Variants in TMEM232 observed in about 807,000 individuals in gnomAD.
TMEM232 encodes the protein transmembrane protein 232.
In TMEM232, 80 loss-of-function variants were observed where a neutral mutation model predicts 78.8. The ratio of observed to expected loss-of-function variants is 1.01; its 90% CI spans 0.85 to 1.22. The LOEUF is 1.22. Ranked by LOEUF, TMEM232 falls within the 50% of genes most tolerant of loss-of-function variation. The pLI is 0.00. For synonymous variants in TMEM232, 297 were observed against 254.3 expected (o/e 1.17, Z -1.60); for missense variants, 881 against 742.2 (o/e 1.19, Z -2.17).
chr5:110,606,288 C>G lies in TMEM232; in HGVS notation c.903-1G>C, dbSNP rs1781532708. 2.0e-6 allele frequency: 3 copies of G among 1,514,218 alleles called. No individual in the cohort carries two copies. The African/African-American group carries it at 4.2e-5, about 21-fold the overall frequency. The allele number at this position is 1,514,218 out of a possible 1,614,324, so 93.8% of individuals were successfully genotyped here. A position where few individuals can be genotyped will look rare whatever the true frequency, so the allele number is the denominator to read the frequency against. ...CAGTAAAGCCAGTACTGAATCCAACCTGAAAATTTTATGGACGAAAGGATA... is the reference window on the plus strand; with the variant it reads ...CAGTAAAGCCAGTACTGAATCCAACGTGAAAATTTTATGGACGAAAGGATA... On this transcript the variant is annotated splice_acceptor_variant, in intron 8 of 13. Transcript: ENST00000455884. LOFTEE classifies it high-confidence loss of function.
intron 1 of TMEM232, among the ~76,000 whole-genome samples, chr5:110,692,216 G>A (rs935864006): frequency 5.9e-5 from 9 of 152,098 alleles, no homozygotes; most frequent in South Asian, 2.1e-4. Context: ...CACGACGCCC[G>A]GCCACATTCT....
At chr5:110,607,329 C>T (rs1306573713) in intron 8 of TMEM232, among the ~76,000 whole-genome samples, 1 of 151,956 alleles carries the variant, frequency 6.6e-6, no homozygotes, top group Non-Finnish European at 1.5e-5. Context: ...CTCAAGTTTT[C>T]TCCCACCAAG....
intron 2 of TMEM232, among the ~76,000 whole-genome samples, chr5:110,661,121 A>G (rs1016350552): frequency 6.6e-6 from 1 of 152,214 alleles, no homozygotes; most frequent in African/African-American, 2.4e-5. Flanking sequence ...TTTACTTAAC[A>G]TAATGTCTTC....
At chr5:110,394,774 T>G (rs751889964) in intron 3 of TMEM232, among the ~76,000 whole-genome samples, 2 of 152,190 alleles carry the variant, frequency 1.3e-5, no homozygotes, top group Non-Finnish European at 2.9e-5. Flanking sequence ...CTATTCATCA[T>G]GTGTGCTGGT....
intron 10 of TMEM232, among the ~76,000 whole-genome samples, chr5:110,598,734 T>A (rs905512547): frequency 6.6e-6 from 1 of 151,104 alleles, no homozygotes; most frequent in African/African-American, 2.4e-5. Flanking sequence ...AATTGGAAAT[T>A]ATCATTCTCA....
chr5:110,567,555 G>C (rs1296802557), intron 11 of TMEM232, among the ~76,000 whole-genome samples: 2 of 151,810 alleles, frequency 1.3e-5, no homozygotes, highest in Non-Finnish European at 2.9e-5. Context: ...CTAACTATAG[G>C]ATGCCCTTTA....
intron 12 of TMEM232, among the ~76,000 whole-genome samples, chr5:110,464,096 T>C (rs953800449): frequency 6.6e-6 from 1 of 152,190 alleles, no homozygotes; most frequent in African/African-American, 2.4e-5. Context: ...ATACCATTAC[T>C]TGAACTTCTT....
chr5:110,561,515 C>A (rs7732148), intron 11 of TMEM232, among the ~76,000 whole-genome samples: 1 of 151,860 alleles, frequency 6.6e-6, no homozygotes, highest in African/African-American at 2.4e-5. Flanking sequence ...TCATAAGTGT[C>A]TTTTTAAACA....
intron 10 of TMEM232, among the ~76,000 whole-genome samples, chr5:110,595,433 T>C (rs552797938): frequency 6.6e-6 from 1 of 152,240 alleles, no homozygotes; most frequent in East Asian, 1.9e-4. Flanking sequence ...GTTTGATGAG[T>C]TGACAGAAGT....
chr5:110,640,407 AT>A (rs139206838), intron 4 of TMEM232, among the ~76,000 whole-genome samples: 18 of 150,054 alleles, frequency 1.2e-4, no homozygotes, highest in African/African-American at 1.2e-4. Flanking sequence ...ACGTTGTTTA[AT>A]TTTTTTTTTA....
chr5:110,489,181 A>G (rs1396521648), intron 12 of TMEM232, among the ~76,000 whole-genome samples: 1 of 151,908 alleles, frequency 6.6e-6, no homozygotes, highest in African/African-American at 2.4e-5. Flanking sequence ...CTATGAGGCT[A>G]GTATTTTCCG....
intron 3 of TMEM232, among the ~76,000 whole-genome samples, chr5:110,392,987 A>T (rs1755258703): frequency 6.6e-6 from 1 of 152,208 alleles, no homozygotes; most frequent in Non-Finnish European, 1.5e-5. Context: ...GATTTTCTAG[A>T]TAGTTCTCTC....
intron 12 of TMEM232, among the ~76,000 whole-genome samples, chr5:110,456,212 C>T (rs1438403160): frequency 6.6e-6 from 1 of 152,102 alleles, no homozygotes; most frequent in African/African-American, 2.4e-5. Context: ...GTGAGTTTAG[C>T]AAGGTTTAGT....
At chr5:110,462,067 A>C (rs1175094977) in intron 12 of TMEM232, among the ~76,000 whole-genome samples, 1 of 152,208 alleles carries the variant, frequency 6.6e-6, no homozygotes, top group Non-Finnish European at 1.5e-5. Flanking sequence ...TTTAAGAAAT[A>C]CATTTTGTAA....
At chr5:110,430,136 ACT>A in intron 12 of TMEM232, 1 of 151,270 alleles carries the variant, frequency 6.6e-6, no homozygotes, top group East Asian at 1.9e-4. Context: ...GAAAAAAAAA[ACT>A]AATTAAATCA....
At chr5:110,560,399 T>C (rs1401836932) in intron 11 of TMEM232, among the ~76,000 whole-genome samples, 1 of 152,164 alleles carries the variant, frequency 6.6e-6, no homozygotes, top group Non-Finnish European at 1.5e-5. Context: ...TTATTCATAA[T>C]AGCTTGAAAT....
At chr5:110,571,889 G>C (rs1280244748) in intron 10 of TMEM232, among the ~76,000 whole-genome samples, 1 of 151,898 alleles carries the variant, frequency 6.6e-6, no homozygotes, top group Non-Finnish European at 1.5e-5. Context: ...TTGAGGAAGG[G>C]AGTAACGTTA....
In TMEM232 at chr5:110,393,399, C is replaced by T. The variant is rs557705905; in HGVS notation, n.391-2759G>A. 3.3e-5 allele frequency among the ~76,000 whole-genome samples: 5 copies of T among 152,214 alleles called. No individual in the cohort carries two copies. The East Asian group carries it at 9.6e-4, about 29-fold the overall frequency. ...GACCTCTTCATCATCATGTAATATA[C>T]CTCTCTATCCTGCATAATATTCCTT... On this transcript the variant is annotated intron_variant and non_coding_transcript_variant, in intron 3 of 8. Coordinates refer to the TMEM232 transcript ENST00000507188.
chr5:110,449,770 A>G (rs17132151), intron 12 of TMEM232, among the ~76,000 whole-genome samples: 4,331 of 152,234 alleles, frequency 0.028, 203 homozygotes, highest in African/African-American at 0.099. Context: ...AAGCAGATGC[A>G]TGCCTTCCAA....
Sources: allele counts gnomAD v4.1 joint callset (sites outside exome capture counted in the v4.1 genomes callset), GRCh38; gene constraint gnomAD v4.1.1; transcripts MANE v1.5; gene names NCBI Gene and HGNC (gene_info 2026-07-23, HGNC 2026-07-21).